HMCN2: variants seen among roughly 807,000 people sequenced by gnomAD.
HMCN2 encodes hemicentin 2.
Under a neutral mutation model 377.5 loss-of-function variants are expected in HMCN2, and 325 were observed. The observed-to-expected ratio is 0.86, with a 90% CI of 0.79 to 0.94. The LOEUF is 0.94. Among genes scored for constraint, HMCN2 ranks in the 40% least tolerant of loss-of-function variants. The pLI is 0.00. For missense variants in HMCN2, 4,543 were observed against 4,725.3 expected, an observed-to-expected ratio of 0.96 and a Z score of 1.13; for synonymous variants, 2,007 against 2,046.8, an observed-to-expected ratio of 0.98 and a Z score of 0.53.
intron 1 of HMCN2, among the ~76,000 whole-genome samples, chr9:130,281,935 G>A (rs1256780544): frequency 6.6e-6 from 1 of 151,646 alleles, no homozygotes; most frequent in Non-Finnish European, 1.5e-5. Flanking sequence ...GGTGCTAGGA[G>A]GAATTTAGTG....
chr9:130,349,853 TACCTC>T (rs1354298311), intron 29 of HMCN2, among the ~76,000 whole-genome samples, 190 bp downstream of exon 29: 1 of 151,414 alleles, frequency 6.6e-6, no homozygotes, highest in Non-Finnish European at 1.5e-5. Context: ...ACCCCACTCT[TACCTC>T]AGCAAAGTCT....
At chr9:130,301,596 GC>G (rs1321266125) in intron 8 of HMCN2, among the ~76,000 whole-genome samples, 1 of 152,222 alleles carries the variant, frequency 6.6e-6, no homozygotes, top group Non-Finnish European at 1.5e-5. Flanking sequence ...AGTGGCGACT[GC>G]TTTGCACACA....
chr9:130,422,592 G>C lies in HMCN2; in HGVS notation c.13247G>C (p.Ser4416Thr), dbSNP rs551891386. The C allele has an allele frequency of 7.6e-7, 1 of 1,321,466 alleles. No individual in the cohort carries two copies. Among genetic ancestry groups the C allele is most frequent in the African/African-American group, 1.5e-5 (1 of 65,222 alleles). 81.9% of individuals were successfully genotyped at this position (1,321,466 alleles called of 1,614,324 possible). A position where few individuals can be genotyped will look rare whatever the true frequency, so the allele number is the denominator to read the frequency against. Residue 4416 changes from serine (S) to threonine (T), a missense_variant, in exon 87 of 98, where the codon AGC (serine) becomes ACC (threonine). Coordinates refer to ENST00000683500, the MANE Select transcript of HMCN2 (RefSeq NM_001291815.2). The surrounding 1 kb of genome is among the most constrained non-coding windows in gnomAD (Gnocchi z 4.2). The part of the protein sequence containing the change: ...FLVVRGEPQG[S>T]WGSMTGVING... ...TTCCTTACAGGGGAGCCCCAGGGGA[G>C]CTGGGGCAGCATGACTGGGGTGATA...
intron 23 of HMCN2, chr9:130,338,708 G>A (rs918279143): frequency 2.0e-5 from 3 of 152,184 alleles, no homozygotes; most frequent in African/African-American, 7.2e-5. Context: ...GAGGGCGCTC[G>A]TCATCCGAAA....
At chr9:130,419,122 A>T (rs1588432171) in intron 86 of HMCN2, 81 bp downstream of exon 86, 1 of 1,317,566 alleles carries the variant, frequency 7.6e-7, no homozygotes, top group East Asian at 2.7e-5. Context: ...CTTATGGGAG[A>T]CCTGTCCCCT....
chr9:130,280,118 G>C (rs1205145845), intron 1 of HMCN2, among the ~76,000 whole-genome samples: 3 of 151,612 alleles, frequency 2.0e-5, no homozygotes, highest in Non-Finnish European at 4.4e-5. Context: ...TTGGATTTAG[G>C]ACTGCTGGCT....
chr9:130,425,177 A>G, intron 89 of HMCN2, 47 bp downstream of exon 89: 1 of 1,489,364 alleles, frequency 6.7e-7, no homozygotes, highest in Non-Finnish European at 9.0e-7. Flanking sequence ...GGTGAGAGAG[A>G]CGAAGGTGCC....
intron 40 of HMCN2, 137 bp from the exon 41 acceptor site, chr9:130,364,577 C>T (rs947175029): frequency 3.1e-5 from 7 of 222,690 alleles, no homozygotes; most frequent in Non-Finnish European, 4.5e-5. Context: ...CTGGCTCCTC[C>T]GAAGCAGGAC....
intron 15 of HMCN2, among the ~76,000 whole-genome samples, chr9:130,313,141 G>A (rs1837356178): frequency 6.6e-6 from 1 of 152,038 alleles, no homozygotes. Flanking sequence ...TGTGGGTCTG[G>A]GGTGAGCTGG....
chr9:130,309,537 AG>A (rs1837101521), intron 14 of HMCN2, among the ~76,000 whole-genome samples: 1 of 141,240 alleles, frequency 7.1e-6, no homozygotes. Context: ...AAAAAAAAAA[AG>A]GAAAAAAAAG....
At chr9:130,387,468 A>G (rs1842088029) in intron 61 of HMCN2, among the ~76,000 whole-genome samples, 2 of 152,170 alleles carry the variant, frequency 1.3e-5, no homozygotes, top group African/African-American at 4.8e-5. Flanking sequence ...GGGACACGGC[A>G]TCGTGTCCTG....
In HMCN2 at chr9:130,369,727, G is replaced by C; in HGVS notation, c.6945G>C (p.Gln2315His). The change falls in exon 45 of 98, where the codon CAG becomes CAC. Residue 2315 changes from glutamine (Q) to histidine (H), a missense_variant. Around this residue, in one of 5 missense-constraint regions of HMCN2, gnomAD observed 1,032 missense variants for 1,285.1 expected, o/e 0.80. Coordinates refer to ENST00000683500, the MANE Select transcript of HMCN2 (RefSeq NM_001291815.2). The surrounding 1 kb of genome is among the most constrained non-coding windows in gnomAD (Gnocchi z 4.5). Reference protein sequence around the residue: ...GQPVGAELGLQLQNQGQSLHV... With the variant: ...GQPVGAELGLHLQNQGQSLHV... Reference sequence around the variant, plus strand: ...CCGTGGGGGCTGAACTGGGCCTGCAGCTGCAGAACCAGGGTCAGAGCCTGC... The same window carrying C: ...CCGTGGGGGCTGAACTGGGCCTGCACCTGCAGAACCAGGGTCAGAGCCTGC... 1 of 985,982 alleles carries C rather than the reference G, an allele frequency of 1.0e-6. No individual in the cohort carries two copies. Among genetic ancestry groups the C allele is most frequent in the Non-Finnish European group, 1.2e-6 (1 of 830,012 alleles). The allele number at this position is 985,982 out of a possible 1,614,324, so 61.1% of individuals were successfully genotyped here.
chr9:130,382,980 AT>A, intron 56 of HMCN2, 114 bp downstream of exon 56: 2 of 614,510 alleles, frequency 3.3e-6, no homozygotes, highest in Non-Finnish European at 4.1e-6. Context: ...GCTGGGAACC[AT>A]GCTGGAGCCC....
intron 22 of HMCN2, among the ~76,000 whole-genome samples, chr9:130,334,888 C>T (rs1360094170): frequency 4.6e-5 from 7 of 151,512 alleles, no homozygotes; most frequent in African/African-American, 1.7e-4. Context: ...CCCCGTTGCC[C>T]AGGCTGGAGT....
At chr9:130,287,828 G>A (rs1311847430) in intron 4 of HMCN2, among the ~76,000 whole-genome samples, 1 of 152,158 alleles carries the variant, frequency 6.6e-6, no homozygotes, top group Non-Finnish European at 1.5e-5. Flanking sequence ...AGAGAGGCAG[G>A]GTGTCTGAGG....
In HMCN2 at chr9:130,287,605, C is replaced by A. The variant is rs1429676538; in HGVS notation, c.612+1295C>A. Among the ~76,000 whole-genome samples the A allele has an allele frequency of 7.3e-5, 11 of 151,292 alleles. 1 individual carries two copies. Among genetic ancestry groups the A allele is most frequent in the Admixed American group, 5.3e-4 (8 of 15,214 alleles). Reference sequence around the variant, plus strand: ...ATTAGGTCTCCTTGTGTGCCCCTCCCAGCTCCCTGTGCTACTTTGCATAAT... The same window carrying A: ...ATTAGGTCTCCTTGTGTGCCCCTCCAAGCTCCCTGTGCTACTTTGCATAAT... On this transcript the variant is annotated intron_variant, in intron 4 of 97. Coordinates refer to ENST00000683500, the MANE Select transcript of HMCN2 (RefSeq NM_001291815.2).
chr9:130,429,690 G>C lies in HMCN2; in HGVS notation c.14326+5G>C. 7.5e-7 allele frequency: 1 copy of C among 1,341,110 alleles called. No individual in the cohort carries two copies. Among genetic ancestry groups the C allele is most frequent in the South Asian group, 1.4e-5 (1 of 70,702 alleles). The allele number at this position is 1,341,110 out of a possible 1,614,324, so 83.1% of individuals were successfully genotyped here. On this transcript the variant is annotated splice_donor_5th_base_variant and intron_variant, in intron 94 of 97. Coordinates refer to ENST00000683500, the MANE Select transcript of HMCN2 (RefSeq NM_001291815.2). ...GCCCCAGCCTGCCCTGCCTAGGTAC[G>C]GGGACACCCACCCTCTGGCCACACC...
intron 82 of HMCN2, chr9:130,406,684 T>G (rs1277211427): frequency 1.9e-5 from 3 of 161,198 alleles, no homozygotes; most frequent in Non-Finnish European, 4.1e-5. Context: ...TCCCCAGGTG[T>G]GGAATACCCG....
Position 130,395,014 on chromosome 9 carries a change from G to C in HMCN2, c.10693-13G>C. ...GGGGCCAGGGGCAGCTGCTCAACCC[G>C]CTCCATCCCCAGGTTAGGGATGCTG... On this transcript the variant is annotated splice_polypyrimidine_tract_variant and intron_variant, in intron 69 of 97. Coordinates refer to ENST00000683500, the MANE Select transcript of HMCN2 (RefSeq NM_001291815.2). 2 of 1,281,036 alleles carry C rather than the reference G, an allele frequency of 1.6e-6. No homozygotes were observed. Among genetic ancestry groups the C allele is most frequent in the Non-Finnish European group, 2.0e-6 (2 of 983,678 alleles). The allele number at this position is 1,281,036 out of a possible 1,614,324, so 79.4% of individuals were successfully genotyped here.
Sources: allele counts gnomAD v4.1 joint callset (sites outside exome capture counted in the v4.1 genomes callset), GRCh38; gene constraint gnomAD v4.1.1; regional missense constraint gnomAD v4.1.1; non-coding constraint Gnocchi (gnomAD v3.1); transcripts MANE v1.5; gene names NCBI Gene and HGNC (gene_info 2026-07-23, HGNC 2026-07-21).